The following CCDC144A variants were observed in gnomAD, a reference collection of about 807,000 sequenced individuals.
CCDC144A encodes coiled-coil domain containing 144A.
CCDC144A carries 41 observed loss-of-function variants against 143.8 expected under a neutral mutation model. The observed-to-expected ratio is 0.29, with a 90% confidence interval of 0.22 to 0.37. The LOEUF (loss-of-function observed/expected upper bound fraction) is 0.37. Among genes scored for constraint, CCDC144A ranks in the 10% least tolerant of loss-of-function variants. The pLI, the probability that CCDC144A is intolerant of heterozygous loss-of-function variation, is 1.00. For synonymous variants in CCDC144A, 242 were observed against 517.9 expected (o/e 0.47, Z 7.23); for missense variants, 637 against 1,488.8 (o/e 0.43, Z 9.41).
chr17:16,716,529 A>G (rs1912762050), intron 6 of CCDC144A, among the ~76,000 whole-genome samples: 1 of 152,230 alleles, frequency 6.6e-6, no homozygotes, highest in South Asian at 2.1e-4. Flanking sequence ...GAAATTTACC[A>G]AATTATTTTA....
At chr17:16,673,369 T>C in the CCDC144A span, among the ~76,000 whole-genome samples, 1 of 151,856 alleles carries the variant, frequency 6.6e-6, no homozygotes, top group East Asian at 1.9e-4. Flanking sequence ...TTAATACATG[T>C]ATCAAAAAGT....
In CCDC144A at chr17:16,696,080, T is replaced by G. The variant is rs542301134; in HGVS notation, c.415+3031T>G. ...CCCAGGCTGGAGTGCAGTGGCGTTC[T>G]CTTGGCTCACTGCAACCTCCGCCTC... On this transcript the variant is annotated intron_variant, in intron 2 of 16. Transcript: ENST00000399273. 3.4e-4 allele frequency among the ~76,000 whole-genome samples: 52 copies of G among 152,270 alleles called. 1 individual carries two copies. In the South Asian group the frequency reaches 3.5e-3, roughly 10 times the overall value.
intron 14 of CCDC144A, among the ~76,000 whole-genome samples, 184 bp downstream of exon 14, chr17:16,762,717 T>G (rs1468870283): frequency 2.0e-5 from 3 of 152,106 alleles, no homozygotes; most frequent in Non-Finnish European, 4.4e-5. Context: ...AAATTGAAAA[T>G]AGTAAATGAA....
chr17:16,670,193 TA>T, the CCDC144A span, among the ~76,000 whole-genome samples: 2 of 151,642 alleles, frequency 1.3e-5, no homozygotes, highest in African/African-American at 4.8e-5. Context: ...AAATAAAAAG[TA>T]AAGAGAAAAG....
intron 12 of CCDC144A, among the ~76,000 whole-genome samples, chr17:16,745,076 T>G (rs989172405): frequency 2.6e-5 from 4 of 151,846 alleles, no homozygotes; most frequent in Admixed American, 6.6e-5. Flanking sequence ...TAGTTGAAGC[T>G]GTTGGGTTTT....
chr17:16,667,303 CGGCTGAGG>C, the CCDC144A span, among the ~76,000 whole-genome samples: 80 of 135,824 alleles, frequency 5.9e-4, no homozygotes, highest in Middle Eastern at 3.8e-3. Context: ...GCGGCTGAGG[CGGCTGAGG>C]GGCTGAGGAG....
intron 12 of CCDC144A, among the ~76,000 whole-genome samples, chr17:16,757,832 G>C (rs1915170369): frequency 6.6e-6 from 1 of 152,196 alleles, no homozygotes. Flanking sequence ...TTCCCTGGTG[G>C]GCTATTAGAT....
chr17:16,711,906 G>A, intron 6 of CCDC144A, 91 bp downstream of exon 6: 2 of 1,444,336 alleles, frequency 1.4e-6, no homozygotes, highest in Non-Finnish European at 1.9e-6. Flanking sequence ...CAAGGCGGGT[G>A]AATCACCTGA....
At chr17:16,719,162 T>C (rs1912944716) in intron 6 of CCDC144A, among the ~76,000 whole-genome samples, 1 of 151,648 alleles carries the variant, frequency 6.6e-6, no homozygotes, top group African/African-American at 2.4e-5. Context: ...TTTAATCAAG[T>C]TGACCTACAA....
chr17:16,754,243 G>A (rs1227761533), intron 12 of CCDC144A, among the ~76,000 whole-genome samples: 1 of 152,120 alleles, frequency 6.6e-6, no homozygotes, highest in Non-Finnish European at 1.5e-5. Context: ...TGCTTTATTA[G>A]TCTACCTCAT....
chr17:16,729,101 A>G (rs573606033), intron 9 of CCDC144A, among the ~76,000 whole-genome samples: 2 of 152,324 alleles, frequency 1.3e-5, no homozygotes, highest in African/African-American at 2.4e-5. Context: ...CTTTGGGTAG[A>G]TGCCCAGTAG....
chr17:16,713,961 T>C (rs1266602122), intron 6 of CCDC144A, among the ~76,000 whole-genome samples: 1 of 152,180 alleles, frequency 6.6e-6, no homozygotes, highest in Non-Finnish European at 1.5e-5. Flanking sequence ...TCCAAGATTG[T>C]TGTTCTCAAG....
chr17:16,704,271 G>A (rs1911912440), intron 2 of CCDC144A, among the ~76,000 whole-genome samples: 1 of 152,058 alleles, frequency 6.6e-6, no homozygotes, highest in Admixed American at 6.5e-5. Flanking sequence ...TGGCTAACGC[G>A]GTGAAACCCC....
At chr17:16,743,604 G>GT (rs1914355589) in intron 12 of CCDC144A, among the ~76,000 whole-genome samples, 1 of 151,874 alleles carries the variant, frequency 6.6e-6, no homozygotes, top group Admixed American at 6.6e-5. Context: ...TTTTAGGATT[G>GT]TTTTTTCCAT....
intron 12 of CCDC144A, among the ~76,000 whole-genome samples, chr17:16,750,000 AAT>A (rs1255896540): frequency 6.6e-6 from 1 of 152,196 alleles, no homozygotes; most frequent in African/African-American, 2.4e-5. Flanking sequence ...GTGTCTTTTG[AAT>A]ATAGCAGACT....
In CCDC144A at chr17:16,764,322, C is replaced by T. The variant is rs188430899; in HGVS notation, c.4098+147C>T. 1,507 of 1,463,618 alleles carry T rather than the reference C, an allele frequency of 1.0e-3. 14 individuals are homozygous for T. The African/African-American group carries it at 0.019, about 18-fold the overall frequency. 90.7% of individuals were successfully genotyped at this position (1,463,618 alleles called of 1,614,324 possible). On this transcript the variant is annotated intron_variant, in intron 15 of 16. Transcript: ENST00000399273. ...TAAAGAGAGGAGACAGAAATTTTAC[C>T]GTTATTTTTAAGTCTCTGGAGCTCT...
intron 2 of CCDC144A, chr17:16,695,418 T>A (rs1173501880): frequency 6.6e-6 from 1 of 151,614 alleles, no homozygotes; most frequent in African/African-American, 2.4e-5. Flanking sequence ...CAAGACCTCA[T>A]CTCTACTAAA....
the CCDC144A span, among the ~76,000 whole-genome samples, chr17:16,676,338 C>T: frequency 6.6e-6 from 1 of 151,624 alleles, no homozygotes; most frequent in South Asian, 2.1e-4. Context: ...ATGGTGAAAC[C>T]CTGTCTCTAC....
At chr17:16,713,861 G>T (rs1912590296) in intron 6 of CCDC144A, among the ~76,000 whole-genome samples, 1 of 152,090 alleles carries the variant, frequency 6.6e-6, no homozygotes, top group African/African-American at 2.4e-5. Flanking sequence ...AGGTATGCTG[G>T]CCTTGAAAGA....
Sources: gnomAD v4.1 joint callset for allele counts (sites outside exome capture counted in the v4.1 genomes callset) on GRCh38, gnomAD v4.1.1 for gene constraint, MANE v1.5 for transcripts, NCBI Gene and HGNC (gene_info 2026-07-23, HGNC 2026-07-21) for gene names.